The following IQCM variants were observed in gnomAD, a reference collection of about 807,000 sequenced individuals.
IQCM encodes IQ domain-containing protein M.
In IQCM, 45 loss-of-function variants were observed where a neutral mutation model predicts 57.6. The ratio of observed to expected loss-of-function variants is 0.78; its 90% confidence interval spans 0.62 to 1.00. The LOEUF is 1.00. Ranked by LOEUF, IQCM falls within the 50% of genes least tolerant of loss-of-function variation. The pLI, the probability that IQCM is intolerant of heterozygous loss-of-function variation, is 0.00. For missense variants in IQCM, 468 were observed against 511.6 expected, an observed-to-expected ratio of 0.91 and a Z score of 0.82; for synonymous variants, 148 against 158.9, an observed-to-expected ratio of 0.93 and a Z score of 0.51.
intron 2 of IQCM, among the ~76,000 whole-genome samples, chr4:149,800,143 T>C (rs1327164316): frequency 6.6e-6 from 1 of 151,808 alleles, no homozygotes; most frequent in East Asian, 1.9e-4. Context: ...AAAAGATCAC[T>C]CATCATGACC....
At chr4:149,469,823 A>G (rs958576503) in intron 12 of IQCM, among the ~76,000 whole-genome samples, 3 of 152,224 alleles carry the variant, frequency 2.0e-5, no homozygotes, top group Non-Finnish European at 4.4e-5. Context: ...AATATTCAAC[A>G]TTGTTAAAGA....
chr4:149,730,695 A>G (rs1397472965), intron 5 of IQCM, among the ~76,000 whole-genome samples: 4 of 152,196 alleles, frequency 2.6e-5, no homozygotes, highest in Non-Finnish European at 4.4e-5. Flanking sequence ...CTGAGAATCT[A>G]TTCCTGACAC....
intron 12 of IQCM, among the ~76,000 whole-genome samples, chr4:149,508,359 T>G (rs961214902): frequency 6.6e-6 from 1 of 152,010 alleles, no homozygotes; most frequent in African/African-American, 2.4e-5. Flanking sequence ...TGCCAGCCCA[T>G]GAAAGCAGCC....
At chr4:149,643,291 A>G (rs371178852) in intron 7 of IQCM, among the ~76,000 whole-genome samples, 3 of 152,348 alleles carry the variant, frequency 2.0e-5, no homozygotes, top group Non-Finnish European at 2.9e-5. Flanking sequence ...TGACAATGCA[A>G]GATGAACAAG....
chr4:149,468,989 G>A (rs1218188066), intron 12 of IQCM, among the ~76,000 whole-genome samples: 3 of 152,160 alleles, frequency 2.0e-5, no homozygotes, highest in Non-Finnish European at 2.9e-5. Flanking sequence ...CATCATCAAA[G>A]ACCAAAGGTA....
rs543213521 is a variant in IQCM, at chr4:149,565,716, G to A, written c.750-1826C>T. On this transcript the variant is annotated intron_variant, in intron 9 of 13. Coordinates refer to ENST00000636793, the MANE Select transcript of IQCM (RefSeq NM_001363507.2). ...GAGATTTGTTGAAGCACAGAAAATT[G>A]TGCTGTATATTTATTTTTGACCTAT... Among the ~76,000 whole-genome samples, 56 of 152,158 alleles carry A rather than the reference G, an allele frequency of 3.7e-4. No homozygotes were observed. The South Asian group carries it at 0.011, about 31-fold the overall frequency.
intron 12 of IQCM, among the ~76,000 whole-genome samples, chr4:149,463,933 T>C (rs1486438845): frequency 6.6e-6 from 1 of 152,170 alleles, no homozygotes; most frequent in Admixed American, 6.5e-5. Context: ...TCCTAGGAGA[T>C]TCAATAAGTA....
chr4:149,621,118 T>C lies in IQCM; in HGVS notation c.681+11A>G. The stretch of plus-strand genomic sequence containing the variant: ...CAATTCAAATCTACATCCAGTTTTA[T>C]AAATACTTACAGAATAATAATCCCG... On this transcript the variant is annotated intron_variant, in intron 8 of 13. Transcript: ENST00000636793. The C allele has an allele frequency of 1.7e-6, 2 of 1,169,642 alleles. No individual in the cohort carries two copies. The highest frequency in any genetic ancestry group is 2.1e-6 in the Non-Finnish European group (2 of 930,946). The allele number at this position is 1,169,642 out of a possible 1,614,324, so 72.5% of individuals were successfully genotyped here. A position where few individuals can be genotyped will look rare whatever the true frequency, so the allele number is the denominator to read the frequency against.
intron 7 of IQCM, among the ~76,000 whole-genome samples, chr4:149,639,505 A>G (rs1238809867): frequency 6.6e-6 from 1 of 152,120 alleles, no homozygotes; most frequent in African/African-American, 2.4e-5. Flanking sequence ...CTTATCTTCT[A>G]TTAGTACCTC....
intron 2 of IQCM, among the ~76,000 whole-genome samples, chr4:149,792,714 T>A (rs10010177): frequency 6.6e-6 from 1 of 151,938 alleles, no homozygotes; most frequent in Non-Finnish European, 1.5e-5. Flanking sequence ...GAAGCCATAA[T>A]TAACTCCTAT....
At chr4:149,686,672 AG>A (rs1762564027) in intron 5 of IQCM, among the ~76,000 whole-genome samples, 1 of 151,688 alleles carries the variant, frequency 6.6e-6, no homozygotes, top group Admixed American at 6.6e-5. Flanking sequence ...ACTAAACTTT[AG>A]GACTGAAAAT....
chr4:149,500,074 C>G (rs1410474716), intron 12 of IQCM, among the ~76,000 whole-genome samples: 3 of 152,152 alleles, frequency 2.0e-5, no homozygotes, highest in Admixed American at 6.5e-5. Context: ...AATGAGCAAC[C>G]AATAAATAAG....
At chr4:149,760,678 T>TTA (rs1182782588) in intron 2 of IQCM, among the ~76,000 whole-genome samples, 6 of 151,974 alleles carry the variant, frequency 3.9e-5, no homozygotes. Context: ...ATATTCATGT[T>TTA]TATATATATA....
intron 12 of IQCM, among the ~76,000 whole-genome samples, chr4:149,437,354 A>T (rs942530701): frequency 3.9e-5 from 6 of 152,100 alleles, no homozygotes; most frequent in African/African-American, 1.4e-4. Context: ...CTCCACAAAA[A>T]TTTATTTTGT....
At chr4:149,464,779 C>T (rs1055465068) in intron 12 of IQCM, among the ~76,000 whole-genome samples, 2 of 152,126 alleles carry the variant, frequency 1.3e-5, no homozygotes, top group Non-Finnish European at 2.9e-5. Context: ...TAGCCACTAT[C>T]AACTGGTGCC....
At chr4:149,481,706 T>TTTTTTTTGTTTTG (rs1380124637) in intron 12 of IQCM, among the ~76,000 whole-genome samples, 1 of 133,370 alleles carries the variant, frequency 7.5e-6, no homozygotes, top group African/African-American at 2.8e-5. Flanking sequence ...GTTTTGTTTT[T>TTTTTTTTGTTTTG]TTTTTTTTTT....
intron 7 of IQCM, among the ~76,000 whole-genome samples, chr4:149,642,944 G>A (rs1758323159): frequency 6.6e-6 from 1 of 151,926 alleles, no homozygotes; most frequent in Admixed American, 6.6e-5. Context: ...GCCCTAGAGT[G>A]GTTTACATTC....
chr4:149,628,095 TG>T (rs1469176552), intron 7 of IQCM, among the ~76,000 whole-genome samples: 1 of 152,110 alleles, frequency 6.6e-6, no homozygotes, highest in Admixed American at 6.6e-5. Flanking sequence ...AAGAAAAAAT[TG>T]GGGATTGTTT....
In IQCM at chr4:149,559,237, A is replaced by C. The variant is rs144282732; in HGVS notation, c.948+4455T>G. 1.2e-4 allele frequency among the ~76,000 whole-genome samples: 19 copies of C among 152,310 alleles called. No individual in the cohort carries two copies. In the East Asian group the frequency reaches 3.7e-3, roughly 29 times the overall value. Reference sequence around the variant, plus strand: ...TCCTCCCAATCCATTGTCCAAAGTCAGTAATTTTTCAAAAATACAAATCTA... The same window carrying C: ...TCCTCCCAATCCATTGTCCAAAGTCCGTAATTTTTCAAAAATACAAATCTA... On this transcript the variant is annotated intron_variant, in intron 10 of 13. Coordinates refer to ENST00000636793, the MANE Select transcript of IQCM (RefSeq NM_001363507.2).
Sources: gnomAD v4.1 joint callset for allele counts (sites outside exome capture counted in the v4.1 genomes callset) on GRCh38, gnomAD v4.1.1 for gene constraint, MANE v1.5 for transcripts, NCBI Gene and HGNC (gene_info 2026-07-23, HGNC 2026-07-21) for gene names.